The following EVI5 variants were observed in gnomAD, a reference collection of about 807,000 sequenced individuals.
EVI5 encodes the protein ecotropic viral integration site 5, also known as ecotropic viral integration site 5 protein homolog.
EVI5 carries 73 observed loss-of-function variants against 112.0 expected under a neutral mutation model. The ratio of observed to expected loss-of-function variants is 0.65; its 90% CI spans 0.54 to 0.79. The LOEUF (loss-of-function observed/expected upper bound fraction) is 0.79. Ranked by LOEUF, EVI5 falls within the 30% of genes least tolerant of loss-of-function variation. EVI5 has a pLI of 0.00. For missense variants in EVI5, 900 were observed against 968.8 expected, an observed-to-expected ratio of 0.93 and a Z score of 0.94; for synonymous variants, 305 against 319.9, an observed-to-expected ratio of 0.95 and a Z score of 0.50.
intron 1 of EVI5, chr1:92,756,376 G>A: frequency 1.9e-6 from 1 of 526,576 alleles, no homozygotes; most frequent in Non-Finnish European, 3.9e-6. Flanking sequence ...TGGAAGTACT[G>A]TTGCAAAATT....
At chr1:92,619,004 T>C (rs1345497684) in intron 16 of EVI5, among the ~76,000 whole-genome samples, 4 of 152,218 alleles carry the variant, frequency 2.6e-5, no homozygotes, top group African/African-American at 7.2e-5. Flanking sequence ...TACCTCATTA[T>C]TGTCTTTATT....
rs540295457 is a variant in EVI5, at chr1:92,719,224, T to C, written c.150-14480A>G. 1.3e-4 allele frequency among the ~76,000 whole-genome samples: 19 copies of C among 151,890 alleles called. No individual in the cohort carries two copies. The East Asian group carries it at 1.7e-3, about 14-fold the overall frequency. ...GCCAGCATCATCCTGATACCAAAGG[T>C]TGGCAGAGACACGATGAAAAAAAGA... is the stretch of plus-strand genomic sequence containing the variant. On this transcript the variant is annotated intron_variant, in intron 2 of 19. Coordinates refer to ENST00000684568, the MANE Select transcript of EVI5 (RefSeq NM_001350197.2).
rs550283692 is a variant in EVI5 at position 92,686,245 on chromosome 1, A to G, written c.1097+7557T>C. On this transcript the variant is annotated intron_variant, in intron 9 of 19. Transcript: ENST00000684568. Reference sequence around the variant, plus strand: ...CTGGGATGCAAGGCTGCTTCAACATACGAAAATCAATAAACATAATCCACC... The same window carrying G: ...CTGGGATGCAAGGCTGCTTCAACATGCGAAAATCAATAAACATAATCCACC... Among the ~76,000 whole-genome samples the G allele has an allele frequency of 7.9e-5, 12 of 152,348 alleles. 1 individual carries two copies. The South Asian group carries it at 2.5e-3, about 32-fold the overall frequency.
At chr1:92,559,036 G>A (rs1016020632) in intron 19 of EVI5, among the ~76,000 whole-genome samples, 2 of 152,234 alleles carry the variant, frequency 1.3e-5, no homozygotes, top group Middle Eastern at 3.4e-3. Flanking sequence ...ACCCATGGAT[G>A]CACAAGTCCC....
chr1:92,522,330 G>C (rs1661065850), intron 19 of EVI5, among the ~76,000 whole-genome samples: 1 of 152,044 alleles, frequency 6.6e-6, no homozygotes, highest in Non-Finnish European at 1.5e-5. Flanking sequence ...CTGTCCTCCA[G>C]AAAGGTGGCT....
Position 92,778,267 on chromosome 1 carries a change from T to C in EVI5, c.-82+6569A>G, listed in dbSNP as rs115527270. Among the ~76,000 whole-genome samples, 8 of 152,192 alleles carry C rather than the reference T, an allele frequency of 5.3e-5. No homozygotes were observed. The South Asian group carries it at 1.0e-3, about 20-fold the overall frequency. Reference sequence around the variant, plus strand: ...ACTAAGAACAAACCGGTTTATGCCATAGATTCCTCAAAAGGCTCAGGAACT... The same window carrying C: ...ACTAAGAACAAACCGGTTTATGCCACAGATTCCTCAAAAGGCTCAGGAACT... On this transcript the variant is annotated intron_variant, in intron 1 of 19. Transcript: ENST00000684568.
chr1:92,670,329 T>C (rs1329416033), intron 10 of EVI5, among the ~76,000 whole-genome samples: 1 of 152,220 alleles, frequency 6.6e-6, no homozygotes, highest in Non-Finnish European at 1.5e-5. Flanking sequence ...TCCAGCTTAC[T>C]CAGTTTACAA....
intron 2 of EVI5, among the ~76,000 whole-genome samples, chr1:92,715,998 T>A (rs570918914): frequency 6.6e-6 from 1 of 152,220 alleles, no homozygotes; most frequent in Admixed American, 6.5e-5. Flanking sequence ...GCTGCAAGGC[T>A]TGCTATCTCT....
intron 5 of EVI5, among the ~76,000 whole-genome samples, chr1:92,700,099 C>T (rs554206354): frequency 5.3e-5 from 8 of 152,230 alleles, no homozygotes; most frequent in African/African-American, 1.7e-4. Context: ...AAATGTGACA[C>T]GGAGTGGCAT....
At chr1:92,669,564 A>C (rs1665514938) in intron 10 of EVI5, among the ~76,000 whole-genome samples, 1 of 149,350 alleles carries the variant, frequency 6.7e-6, no homozygotes, top group South Asian at 2.1e-4. Context: ...AAAAAAAATC[A>C]CTGGGAAATT....
intron 19 of EVI5, among the ~76,000 whole-genome samples, chr1:92,537,800 A>G (rs2101918266): frequency 6.6e-6 from 1 of 151,880 alleles, no homozygotes; most frequent in South Asian, 2.1e-4. Context: ...AAAAAAACTA[A>G]AAAAAATTCA....
At chr1:92,648,404 A>T (rs1278599377) in intron 13 of EVI5, among the ~76,000 whole-genome samples, 3 of 150,426 alleles carry the variant, frequency 2.0e-5, no homozygotes, top group Admixed American at 1.3e-4. Flanking sequence ...ATAAAAAAAT[A>T]AAAAAAATAA....
At position 92,625,904 on chromosome 1, in the gene EVI5, T is replaced by C; in HGVS notation, c.1558A>G (p.Ile520Val). 6.2e-7 allele frequency: 1 copy of C among 1,608,638 alleles called. No homozygotes were observed. Among genetic ancestry groups the C allele is most frequent in the South Asian group, 1.1e-5 (1 of 90,906 alleles). The part of the protein sequence containing the change: ...RNNSLPDENN[I>V]ARLQEELIAV... Reference sequence around the variant, plus strand: ...ATGAGTTCTTCCTGAAGCCTTGCAATATTATTCTCATCAGGAAGGGAGTTA... The same window carrying C: ...ATGAGTTCTTCCTGAAGCCTTGCAACATTATTCTCATCAGGAAGGGAGTTA... Residue 520 changes from isoleucine (I) to valine (V), a missense_variant, in exon 15 of 20, where the codon ATT becomes GTT. Physicochemically the swap from Ile to Val is conservative, Grantham distance 29. Transcript: ENST00000684568.
intron 13 of EVI5, among the ~76,000 whole-genome samples, chr1:92,657,041 G>T (rs965739911): frequency 6.6e-6 from 1 of 151,810 alleles, no homozygotes; most frequent in African/African-American, 2.4e-5. Context: ...CTATGAAGCC[G>T]GCATCACCGT....
intron 2 of EVI5, among the ~76,000 whole-genome samples, chr1:92,724,342 T>A (rs1675225446): frequency 6.6e-6 from 1 of 152,148 alleles, no homozygotes; most frequent in African/African-American, 2.4e-5. Flanking sequence ...AGAACCTACG[T>A]TGAAATACTG....
chr1:92,775,881 G>C (rs1684059533), intron 1 of EVI5, among the ~76,000 whole-genome samples: 1 of 152,182 alleles, frequency 6.6e-6, no homozygotes, highest in Non-Finnish European at 1.5e-5. Flanking sequence ...GGCCGAGGCA[G>C]GTGGATCACG....
chr1:92,734,752 G>C (rs2102799009), intron 2 of EVI5, among the ~76,000 whole-genome samples: 1 of 152,264 alleles, frequency 6.6e-6, no homozygotes, highest in East Asian at 1.9e-4. Flanking sequence ...GGAAGAATTT[G>C]AAAGTCATGT....
chr1:92,678,557 A>T (rs1380040834), intron 9 of EVI5, among the ~76,000 whole-genome samples: 1 of 152,080 alleles, frequency 6.6e-6, no homozygotes, highest in Middle Eastern at 3.2e-3. Flanking sequence ...TTTTAAAAGA[A>T]AAAAGATGTC....
Position 92,760,071 on chromosome 1 carries a change from G to A in EVI5, c.-81-23444C>T, listed in dbSNP as rs759847482. On this transcript the variant is annotated intron_variant, in intron 1 of 19. Transcript: ENST00000684568. ...ATTACCACAATAAAATTCAATATAA[G>A]ACATTAACTTTGTGATTTTTAATAT... is the stretch of plus-strand genomic sequence containing the variant. Among the ~76,000 whole-genome samples the A allele has an allele frequency of 4.7e-4, 71 of 152,128 alleles. No individual in the cohort carries two copies. In the Middle Eastern group the frequency reaches 0.017, roughly 36 times the overall value.
Sources: allele counts gnomAD v4.1 joint callset (sites outside exome capture counted in the v4.1 genomes callset), GRCh38; gene constraint gnomAD v4.1.1; transcripts MANE v1.5; gene names NCBI Gene and HGNC (gene_info 2026-07-23, HGNC 2026-07-21).